The following SLC25A42 variants were observed in gnomAD, a reference collection of about 807,000 sequenced individuals.
SLC25A42 encodes solute carrier family 25 member 42.
Under a neutral mutation model 34.7 loss-of-function variants are expected in SLC25A42, and 19 were observed. The ratio of observed to expected loss-of-function variants is 0.55; its 90% CI spans 0.38 to 0.80. The LOEUF (loss-of-function observed/expected upper bound fraction) is 0.80, where lower values mean the gene tolerates loss of function less well. Ranked by LOEUF, SLC25A42 falls within the 30% of genes least tolerant of loss-of-function variation. The probability of loss-of-function intolerance (pLI) is 0.00; values close to 1 mark genes in which losing one functional copy is unlikely to be tolerated. For missense variants in SLC25A42, 364 were observed against 441.3 expected (o/e 0.82, Z 1.57); for synonymous variants, 205 against 191.2 (o/e 1.07, Z -0.59).
chr19:19,105,652 C>A lies in SLC25A42; in HGVS notation c.305C>A (p.Pro102His). Residue 102 changes from proline (P) to histidine (H), a missense_variant, in exon 5 of 8, where the codon CCC becomes CAC. Physicochemically the swap from Pro to His is moderately conservative, Grantham distance 77. Coordinates refer to ENST00000318596, the MANE Select transcript of SLC25A42 (RefSeq NM_178526.5). Reference sequence around the variant, plus strand: ...TCGGCCACCATGGTGCGCGTGGTGCCCTACGCCGCCATCCAGTTCAGCGCA... The same window carrying A: ...TCGGCCACCATGGTGCGCGTGGTGCACTACGCCGCCATCCAGTTCAGCGCA... ...GNSATMVRVV[P>H]YAAIQFSAHE... The A allele has an allele frequency of 1.2e-6, 2 of 1,613,580 alleles. No homozygotes were observed. The highest frequency in any genetic ancestry group is 1.7e-6 in the Non-Finnish European group (2 of 1,179,868).
chr19:19,077,172 A>G (rs1207737732), intron 1 of SLC25A42, among the ~76,000 whole-genome samples: 1 of 152,222 alleles, frequency 6.6e-6, no homozygotes, highest in African/African-American at 2.4e-5. Context: ...TGGCAGAGCG[A>G]GAGACCCTGT....
rs2059863134 is a variant in SLC25A42, at chr19:19,111,172, C to T, written c.*296C>T. On this transcript the variant is annotated 3_prime_UTR_variant, in exon 8 of 8. Coordinates refer to ENST00000318596, the MANE Select transcript of SLC25A42 (RefSeq NM_178526.5). ...TGTTGCCCAAAAGGCCCTAGTGGGG[C>T]GTGGTCAGCTCCACCTCCTGATCCT... The T allele has an allele frequency of 4.2e-6, 2 of 472,082 alleles. No homozygotes were observed. The highest frequency in any genetic ancestry group is 3.8e-5 in the Admixed American group (1 of 26,010). 29.2% of individuals were successfully genotyped at this position (472,082 alleles called of 1,614,324 possible).
At chr19:19,104,017 C>G (rs1157642302) in intron 3 of SLC25A42, among the ~76,000 whole-genome samples, 1 of 152,104 alleles carries the variant, frequency 6.6e-6, no homozygotes, top group African/African-American at 2.4e-5. Context: ...AGCGATACTC[C>G]TGCCTTACCC....
chr19:19,065,690 CAT>C (rs1185891449), intron 1 of SLC25A42, among the ~76,000 whole-genome samples: 5 of 152,138 alleles, frequency 3.3e-5, no homozygotes, highest in Admixed American at 6.5e-5. Context: ...TCATTTAAAA[CAT>C]ATATGGGCAT....
rs1336344295 is a variant in SLC25A42, at chr19:19,081,807, T to G, written c.-34-14284T>G. Among the ~76,000 whole-genome samples, 2 of 152,200 alleles carry G rather than the reference T, an allele frequency of 1.3e-5. No individual in the cohort carries two copies. The highest frequency in any genetic ancestry group is 3.9e-4 in the East Asian group (2 of 5,188). ...CTTGCCTCACTGTCCTCTTCGCTCCTTTAGCCGAGTGACCTCTGTCCCTGG... is the reference window on the plus strand; with the variant it reads ...CTTGCCTCACTGTCCTCTTCGCTCCGTTAGCCGAGTGACCTCTGTCCCTGG... On this transcript the variant is annotated intron_variant, in intron 1 of 7. Transcript: ENST00000318596. The surrounding 1 kb of genome is among the most constrained non-coding windows in gnomAD (Gnocchi z 4.5).
chr19:19,097,338 C>A (rs960250746), intron 2 of SLC25A42, among the ~76,000 whole-genome samples: 1 of 152,224 alleles, frequency 6.6e-6, no homozygotes, highest in Non-Finnish European at 1.5e-5. Flanking sequence ...CCGGGGTCAC[C>A]ACCAGGTGAC....
Position 19,085,413 on chromosome 19 carries a change from G to A in SLC25A42, c.-34-10678G>A, listed in dbSNP as rs558717759. On this transcript the variant is annotated intron_variant, in intron 1 of 7. Transcript: ENST00000318596. ...TTTTTTTTTTTGGAGAAGGAGTCTC[G>A]TTCTGTCACCCACGCTGGAGTGCAG... Among the ~76,000 whole-genome samples the A allele has an allele frequency of 1.0e-3, 148 of 148,512 alleles. 1 individual carries two copies. The highest frequency in any genetic ancestry group is 2.5e-3 in the African/African-American group (101 of 40,092).
Position 19,064,628 on chromosome 19 carries a change from C to T in SLC25A42, c.-35+513C>T, listed in dbSNP as rs200433380. Among the ~76,000 whole-genome samples the T allele has an allele frequency of 4.0e-5, 6 of 151,726 alleles. No homozygotes were observed. The East Asian group carries it at 1.2e-3, about 29-fold the overall frequency. ...AGGTATCTGCTCGCTACTCTCGTGC[C>T]CACTCCCCCAGCAACCTGTGTCTCT... On this transcript the variant is annotated intron_variant, in intron 1 of 7. Coordinates refer to ENST00000318596, the MANE Select transcript of SLC25A42 (RefSeq NM_178526.5).
chr19:19,096,442 G>A (rs79910741), intron 2 of SLC25A42, among the ~76,000 whole-genome samples: 1 of 151,858 alleles, frequency 6.6e-6, no homozygotes, highest in South Asian at 2.1e-4. Flanking sequence ...CTGCTCCCAC[G>A]GCCCCAAATA....
In SLC25A42 at chr19:19,111,523, C is replaced by G. The variant is rs1240409795; in HGVS notation, c.*647C>G. The G allele has an allele frequency of 6.5e-6, 1 of 153,222 alleles. No individual in the cohort carries two copies. Among genetic ancestry groups the G allele is most frequent in the Non-Finnish European group, 1.5e-5 (1 of 68,774 alleles). 9.5% of individuals were successfully genotyped at this position (153,222 alleles called of 1,614,324 possible). Reference sequence around the variant, plus strand: ...TCATGTCTATCCTAGACCCTGCAAGCAGCTGGGTCCCCAAGAGTGCATCTC... The same window carrying G: ...TCATGTCTATCCTAGACCCTGCAAGGAGCTGGGTCCCCAAGAGTGCATCTC... On this transcript the variant is annotated 3_prime_UTR_variant, in exon 8 of 8. Coordinates refer to ENST00000318596, the MANE Select transcript of SLC25A42 (RefSeq NM_178526.5).
rs1303336854 is a variant in SLC25A42, at chr19:19,109,273, C to A, written c.649+1228C>A. The stretch of plus-strand genomic sequence containing the variant: ...TGTTGCCAGGTTTTCTGTGATCAGC[C>A]GACATCCAGGAGCTCGTCTCCTTGT... On this transcript the variant is annotated intron_variant, in intron 7 of 7. Transcript: ENST00000318596. The surrounding 1 kb of genome is among the most constrained non-coding windows in gnomAD (Gnocchi z 4.1). Among the ~76,000 whole-genome samples the A allele has an allele frequency of 1.3e-5, 2 of 152,132 alleles. No homozygotes were observed. Among genetic ancestry groups the A allele is most frequent in the Non-Finnish European group, 2.9e-5 (2 of 68,040 alleles).
intron 2 of SLC25A42, among the ~76,000 whole-genome samples, chr19:19,097,498 G>A (rs1478172675): frequency 6.6e-6 from 1 of 152,256 alleles, no homozygotes; most frequent in East Asian, 1.9e-4. Flanking sequence ...AGGCAGCGGT[G>A]GCTGCTGAAC....
rs984674061 is a variant in SLC25A42, at chr19:19,098,385, C to A, written c.81+2180C>A. Among the ~76,000 whole-genome samples the A allele has an allele frequency of 2.0e-5, 3 of 152,222 alleles. No individual in the cohort carries two copies. The South Asian group carries it at 6.2e-4, about 31-fold the overall frequency. ...GGCCAAGACGGGAGGATTGCTTGAA[C>A]CCAGGAGTTTGAGAACAGCCTGGGT... is the stretch of plus-strand genomic sequence containing the variant. On this transcript the variant is annotated intron_variant, in intron 2 of 7. Transcript: ENST00000318596.
intron 1 of SLC25A42, among the ~76,000 whole-genome samples, chr19:19,079,794 A>G (rs935796552): frequency 2.0e-5 from 3 of 151,098 alleles, no homozygotes; most frequent in African/African-American, 7.3e-5. Flanking sequence ...CTGGTCTTGA[A>G]CTCCTAGCCT....
rs118091977 is a variant in SLC25A42, at chr19:19,095,056, C to G, written c.-34-1035C>G. On this transcript the variant is annotated intron_variant, in intron 1 of 7. Transcript: ENST00000318596. ...CTAAAAATAAAAAAATAAAAAATAG[C>G]TGGGTTTGGTAGTAAACGTCTGTAA... Among the ~76,000 whole-genome samples, 5 of 151,930 alleles carry G rather than the reference C, an allele frequency of 3.3e-5. No homozygotes were observed. In the East Asian group the frequency reaches 9.7e-4, roughly 30 times the overall value.
At chr19:19,097,278 G>A (rs1320246500) in intron 2 of SLC25A42, among the ~76,000 whole-genome samples, 3 of 152,150 alleles carry the variant, frequency 2.0e-5, no homozygotes, top group Non-Finnish European at 2.9e-5. Flanking sequence ...ACCTTTCCCC[G>A]GATTCCAGGT....
intron 1 of SLC25A42, among the ~76,000 whole-genome samples, chr19:19,093,343 T>C (rs373338416): frequency 1.3e-3 from 197 of 152,192 alleles, no homozygotes; most frequent in Admixed American, 3.7e-3. Context: ...TACAGAAAAA[T>C]TGCAAAGGCT....
chr19:19,086,569 G>T (rs1167961475), intron 1 of SLC25A42, among the ~76,000 whole-genome samples: 1 of 151,996 alleles, frequency 6.6e-6, no homozygotes, highest in Non-Finnish European at 1.5e-5. Context: ...CATTTTTTTT[G>T]AAATAACATT....
At chr19:19,074,454 G>A (rs1264677537) in intron 1 of SLC25A42, among the ~76,000 whole-genome samples, 1 of 152,178 alleles carries the variant, frequency 6.6e-6, no homozygotes, top group African/African-American at 2.4e-5. Flanking sequence ...GAGATTACAG[G>A]ATCCATTTCA....
Sources: allele counts gnomAD v4.1 joint callset (sites outside exome capture counted in the v4.1 genomes callset), GRCh38; gene constraint gnomAD v4.1.1; non-coding constraint Gnocchi (gnomAD v3.1); transcripts MANE v1.5; gene names NCBI Gene and HGNC (gene_info 2026-07-23, HGNC 2026-07-21).